Variants in BPTF observed in about 807,000 individuals in gnomAD.
BPTF encodes the protein bromodomain PHD finger transcription factor.
A neutral mutation model predicts 292.5 loss-of-function variants in BPTF; 18 were observed. The ratio of observed to expected loss-of-function variants is 0.06; its 90% CI spans 0.04 to 0.09. The LOEUF (loss-of-function observed/expected upper bound fraction) is 0.09. Among genes scored for constraint, BPTF ranks in the 10% least tolerant of loss-of-function variants. The pLI, the probability that BPTF is intolerant of heterozygous loss-of-function variation, is 1.00. For missense variants in BPTF, 2,726 were observed against 3,498.7 expected, an observed-to-expected ratio of 0.78 and a Z score of 5.57; for synonymous variants, 1,225 against 1,251.9, an observed-to-expected ratio of 0.98 and a Z score of 0.45.
intron 26 of BPTF, among the ~76,000 whole-genome samples, chr17:67,973,099 G>GC (rs2148558232): frequency 6.9e-6 from 1 of 145,268 alleles, no homozygotes; most frequent in South Asian, 2.1e-4. Context: ...ATAAGGCCAG[G>GC]CACGGTGGCT....
chr17:67,949,320 G>A (rs1013376559), intron 23 of BPTF, among the ~76,000 whole-genome samples: 4 of 151,530 alleles, frequency 2.6e-5, no homozygotes, highest in South Asian at 2.1e-4. Context: ...AGCCTTGATC[G>A]CACCACTGCA....
intron 1 of BPTF, among the ~76,000 whole-genome samples, chr17:67,844,440 G>T (rs1488409785): frequency 6.6e-6 from 1 of 151,304 alleles, no homozygotes; most frequent in East Asian, 2.0e-4. Flanking sequence ...GTAGAGATGG[G>T]GTTTCACCGT....
At chr17:67,976,045 T>A (rs1282990824) in intron 27 of BPTF, 87 bp downstream of exon 27, 2 of 1,059,948 alleles carry the variant, frequency 1.9e-6, no homozygotes, top group Non-Finnish European at 2.6e-6. Context: ...CAGTGCAGTT[T>A]ATGGTAAATT....
At chr17:67,974,402 C>A (rs2069147239) in intron 26 of BPTF, 1 of 152,144 alleles carries the variant, frequency 6.6e-6, no homozygotes, top group African/African-American at 2.4e-5. Flanking sequence ...TCCCCATGAA[C>A]AACCAATCCA....
chr17:67,874,065 C>T (rs2059915921), intron 3 of BPTF, among the ~76,000 whole-genome samples: 1 of 151,602 alleles, frequency 6.6e-6, no homozygotes, highest in Non-Finnish European at 1.5e-5. Flanking sequence ...GAAAAAGTCC[C>T]CAGTGGCCAA....
At chr17:67,949,686 T>G (rs892126767) in intron 23 of BPTF, among the ~76,000 whole-genome samples, 5 of 150,352 alleles carry the variant, frequency 3.3e-5, no homozygotes, top group Admixed American at 3.3e-4. Flanking sequence ...CACACAGACA[T>G]ACATATATAT....
rs767396953 is a variant in BPTF at position 67,894,127 on chromosome 17, G to C, written c.2505G>C (p.Val835=). 1.9e-6 allele frequency: 3 copies of C among 1,614,096 alleles called. No individual in the cohort carries two copies. The highest frequency in any genetic ancestry group is 2.5e-6 in the Non-Finnish European group (3 of 1,179,956). ...AILECAVKPV[V]MLPIWRESLG... ...TGGAGTGTGCAGTTAAACCAGTTGT[G>C]ATGCTACCAATATGGCGAGAATCTT... Residue 835 remains valine (V), a synonymous_variant, in exon 7 of 28, where the codon GTG becomes GTC. Coordinates refer to ENST00000306378, the MANE Select transcript of BPTF (RefSeq NM_182641.4).
At chr17:67,885,283 T>A (rs775087944) in intron 4 of BPTF, among the ~76,000 whole-genome samples, 9 of 152,162 alleles carry the variant, frequency 5.9e-5, no homozygotes, top group Non-Finnish European at 1.0e-4. Context: ...TAAATTGTCC[T>A]CAGAAGTTAG....
intron 18 of BPTF, among the ~76,000 whole-genome samples, chr17:67,933,189 C>T (rs1211164345): frequency 1.3e-5 from 2 of 150,340 alleles, no homozygotes; most frequent in African/African-American, 4.9e-5. Flanking sequence ...ACCCAGGAGG[C>T]GGAGGTTGCA....
At position 67,894,539 on chromosome 17, in the gene BPTF, A is replaced by G. The variant is rs139127370; in HGVS notation, c.2543+374A>G. Among the ~76,000 whole-genome samples, 593 of 152,240 alleles carry G rather than the reference A, an allele frequency of 3.9e-3. 6 individuals carry two copies. The highest frequency in any genetic ancestry group is 0.013 in the African/African-American group (536 of 41,546). On this transcript the variant is annotated intron_variant, in intron 7 of 27. Transcript: ENST00000306378. The stretch of plus-strand genomic sequence containing the variant: ...GAGACATGGTTTCACTGTGTTGGCT[A>G]GGCTGGTCTTGAACTCCTGACCTTG...
At chr17:67,847,748 CA>C (rs2058134073) in intron 1 of BPTF, among the ~76,000 whole-genome samples, 1 of 151,526 alleles carries the variant, frequency 6.6e-6, no homozygotes, top group Non-Finnish European at 1.5e-5. Flanking sequence ...ATTACTGACA[CA>C]GAAGATAGGG....
intron 7 of BPTF, among the ~76,000 whole-genome samples, chr17:67,902,998 C>T (rs1387860405): frequency 6.6e-6 from 1 of 152,206 alleles, no homozygotes; most frequent in South Asian, 2.1e-4. Flanking sequence ...AATGTAGAGC[C>T]TCACCACAGT....
intron 1 of BPTF, among the ~76,000 whole-genome samples, chr17:67,842,841 A>C (rs1716048799): frequency 6.8e-6 from 1 of 148,062 alleles, no homozygotes; most frequent in East Asian, 2.0e-4. Context: ...AAAAAAAAAG[A>C]CATTTCAGAT....
At chr17:67,832,341 T>G (rs1404631610) in intron 1 of BPTF, among the ~76,000 whole-genome samples, 1 of 152,058 alleles carries the variant, frequency 6.6e-6, no homozygotes, top group African/African-American at 2.4e-5. Flanking sequence ...CACGTAAATA[T>G]AATTATAATG....
chr17:67,948,793 T>G (rs566827315), intron 23 of BPTF, among the ~76,000 whole-genome samples: 2 of 152,086 alleles, frequency 1.3e-5, no homozygotes, highest in African/African-American at 4.8e-5. Context: ...TTCGAGACCA[T>G]CCTGGCCAAC....
chr17:67,875,728 C>G (rs747491705), intron 4 of BPTF: 1 of 1,595,300 alleles, frequency 6.3e-7, no homozygotes, highest in Non-Finnish European at 8.5e-7. Flanking sequence ...CATCTGAGCT[C>G]CCCCAGGATG....
At chr17:67,880,618 T>G (rs2060335734) in intron 4 of BPTF, among the ~76,000 whole-genome samples, 1 of 148,582 alleles carries the variant, frequency 6.7e-6, no homozygotes, top group African/African-American at 2.6e-5. Context: ...TAGGTTTTTG[T>G]TTTTGGTTTT....
rs773199408 is a variant in BPTF at position 67,912,429 on chromosome 17, G to A, written c.4545G>A (p.Thr1515=). Residue 1515 remains threonine (T), a synonymous_variant, in exon 11 of 28, where the codon ACG becomes ACA. Coordinates refer to ENST00000306378, the MANE Select transcript of BPTF (RefSeq NM_182641.4). ...CCAAAGAGTCTGACAGTACACAGAC[G>A]ACCACACCCTCAGCATCTTGTCCAG... ...PSTKESDSTQ[T]TTPSASCPES... The A allele has an allele frequency of 4.3e-6, 7 of 1,613,612 alleles. No homozygotes were observed. The highest frequency in any genetic ancestry group is 1.1e-5 in the South Asian group (1 of 90,972).
chr17:67,952,630 C>T (rs2066487065), intron 23 of BPTF, among the ~76,000 whole-genome samples: 1 of 152,146 alleles, frequency 6.6e-6, no homozygotes, highest in Non-Finnish European at 1.5e-5. Flanking sequence ...TCCTCCCCCA[C>T]CCACACACAA....
Sources: gnomAD v4.1 joint callset for allele counts (sites outside exome capture counted in the v4.1 genomes callset) on GRCh38, gnomAD v4.1.1 for gene constraint, MANE v1.5 for transcripts, NCBI Gene and HGNC (gene_info 2026-07-23, HGNC 2026-07-21) for gene names.